The following NSD2 variants were observed in gnomAD, a reference collection of about 807,000 sequenced individuals.
NSD2 encodes histone-lysine N-methyltransferase NSD2.
Under a neutral mutation model 139.0 loss-of-function variants are expected in NSD2, and 12 were observed. The observed-to-expected ratio is 0.09, with a 90% CI of 0.06 to 0.14. The LOEUF (loss-of-function observed/expected upper bound fraction) is 0.14. NSD2 is among the 10% of genes least tolerant of loss of function. The pLI, the probability that NSD2 is intolerant of heterozygous loss-of-function variation, is 1.00. For missense variants in NSD2, 1,155 were observed against 1,745.0 expected (o/e 0.66, Z 6.02); for synonymous variants, 669 against 648.7 (o/e 1.03, Z -0.48).
At chr4:1,921,522 C>T (rs1720123140) in intron 5 of NSD2, among the ~76,000 whole-genome samples, 1 of 151,710 alleles carries the variant, frequency 6.6e-6, no homozygotes, top group Admixed American at 6.6e-5. Context: ...TGGCTCATAT[C>T]TGTAATCCTA....
Position 1,900,728 on chromosome 4 carries a change from C to T in NSD2, c.74C>T (p.Pro25Leu). 6.2e-7 allele frequency: 1 copy of T among 1,613,908 alleles called. No homozygotes were observed. Among genetic ancestry groups the T allele is most frequent in the Non-Finnish European group, 8.5e-7 (1 of 1,179,972 alleles). Residue 25 changes from proline (P) to leucine (L), a missense_variant, in exon 2 of 22, where the codon CCA (proline) becomes CTA (leucine). By Grantham distance (98) the Pro-to-Leu change is moderately conservative. This residue lies in a region of NSD2 where 246 missense variants were observed against 262.8 expected (regional missense o/e 0.94). Coordinates refer to ENST00000508803, the MANE Select transcript of NSD2 (RefSeq NM_001042424.3). ...VVKCIKMKQAPEILGSANGKT... is the reference protein window; with the variant it reads ...VVKCIKMKQALEILGSANGKT... ...AAGTGCATAAAGATGAAGCAGGCAC[C>T]AGAAATCCTCGGCAGTGCCAACGGG...
chr4:1,980,455 C>G lies in NSD2; in HGVS notation c.*1546C>G. 4.3e-6 allele frequency: 1 copy of G among 233,194 alleles called. No homozygotes were observed. Among genetic ancestry groups the G allele is most frequent in the Admixed American group, 5.6e-5 (1 of 17,806 alleles). The allele number at this position is 233,194 out of a possible 1,614,324, so 14.4% of individuals were successfully genotyped here. ...ACCTAAGGGGGACACATCCATCTTGCAGAGAAGTTTACAGAACTCCCCTTG... is the reference window on the plus strand; with the variant it reads ...ACCTAAGGGGGACACATCCATCTTGGAGAGAAGTTTACAGAACTCCCCTTG... On this transcript the variant is annotated 3_prime_UTR_variant, in exon 22 of 22. Transcript: ENST00000508803.
At chr4:1,909,928 C>T (rs369088750) in intron 3 of NSD2, among the ~76,000 whole-genome samples, 76 of 151,360 alleles carry the variant, frequency 5.0e-4, no homozygotes, top group African/African-American at 7.5e-4. Context: ...CGTGAGTCAC[C>T]GCGCCCGGCA....
At position 1,973,388 on chromosome 4, in the gene NSD2, C is replaced by T. The variant is rs1277497764; in HGVS notation, c.3373-1475C>T. Among the ~76,000 whole-genome samples, 4 of 152,136 alleles carry T rather than the reference C, an allele frequency of 2.6e-5. No individual in the cohort carries two copies. Among genetic ancestry groups the T allele is most frequent in the South Asian group, 2.1e-4 (1 of 4,824 alleles). On this transcript the variant is annotated intron_variant, in intron 18 of 21. Coordinates refer to ENST00000508803, the MANE Select transcript of NSD2 (RefSeq NM_001042424.3). The surrounding 1 kb of genome is among the most constrained non-coding windows in gnomAD (Gnocchi z 5.5). ...GGTGGCATGTCCCATGTGCATGCCCCGTGCTGTCCTCGTCCCCAGGGCCCT... is the reference window on the plus strand; with the variant it reads ...GGTGGCATGTCCCATGTGCATGCCCTGTGCTGTCCTCGTCCCCAGGGCCCT...
intron 18 of NSD2, among the ~76,000 whole-genome samples, chr4:1,971,113 C>A (rs1321993390): frequency 6.6e-6 from 1 of 152,148 alleles, no homozygotes; most frequent in East Asian, 1.9e-4. Flanking sequence ...AATCCCAGCA[C>A]TTTGGGAGGC....
At chr4:1,909,881 C>T (rs1031143416) in intron 3 of NSD2, among the ~76,000 whole-genome samples, 4 of 151,524 alleles carry the variant, frequency 2.6e-5, no homozygotes, top group African/African-American at 7.3e-5. Context: ...CCTTGTGATC[C>T]GCCCAACTCG....
intron 11 of NSD2, 168 bp from the exon 12 acceptor site, chr4:1,953,156 T>A: frequency 6.4e-7 from 1 of 1,551,608 alleles, no homozygotes; most frequent in Non-Finnish European, 8.7e-7. Flanking sequence ...GCTGGATCTT[T>A]TTGCTGGAGA....
chr4:1,979,061 C>A lies in NSD2; in HGVS notation c.*152C>A. Reference sequence around the variant, plus strand: ...TCCTCGGGAGGGAGCGCCTCCCCACCACTGAGCCATCCTCAGCAGCGTCCG... The same window carrying A: ...TCCTCGGGAGGGAGCGCCTCCCCACAACTGAGCCATCCTCAGCAGCGTCCG... On this transcript the variant is annotated 3_prime_UTR_variant, in exon 22 of 22. Transcript: ENST00000508803. 1.0e-6 allele frequency: 1 copy of A among 969,508 alleles called. No homozygotes were observed. The highest frequency in any genetic ancestry group is 1.4e-6 in the Non-Finnish European group (1 of 693,530). 60.1% of individuals were successfully genotyped at this position (969,508 alleles called of 1,614,324 possible). A position where few individuals can be genotyped will look rare whatever the true frequency, so the allele number is the denominator to read the frequency against.
chr4:1,933,538 C>T (rs1465242638), intron 6 of NSD2, among the ~76,000 whole-genome samples: 1 of 151,998 alleles, frequency 6.6e-6, no homozygotes, highest in Non-Finnish European at 1.5e-5. Flanking sequence ...TACAGGCGCC[C>T]GCCACCATGA....
At chr4:1,943,324 G>A in intron 9 of NSD2, 26 of 1,043,700 alleles carry the variant, frequency 2.5e-5, no homozygotes, top group Non-Finnish European at 3.0e-5. Context: ...ATATTTTGTT[G>A]TAAACCATTA....
chr4:1,937,857 A>C (rs745473741), intron 7 of NSD2, among the ~76,000 whole-genome samples: 2 of 152,210 alleles, frequency 1.3e-5, no homozygotes, highest in African/African-American at 4.8e-5. Context: ...GAAAAGCTTC[A>C]TGATCCCTTC....
rs995588398 is a variant in NSD2, at chr4:1,981,573, A to G, written c.*2664A>G. ...GGATGTGTCCGAATGGGCAGCTTAA[A>G]ATGTGGTCACCTGTGGGGGAAACTC... On this transcript the variant is annotated 3_prime_UTR_variant, in exon 22 of 22. Coordinates refer to ENST00000508803, the MANE Select transcript of NSD2 (RefSeq NM_001042424.3). 17 of 343,928 alleles carry G rather than the reference A, an allele frequency of 4.9e-5. No individual in the cohort carries two copies. Among genetic ancestry groups the G allele is most frequent in the Non-Finnish European group, 8.4e-5 (16 of 191,550 alleles). 21.3% of individuals were successfully genotyped at this position (343,928 alleles called of 1,614,324 possible). A position where few individuals can be genotyped will look rare whatever the true frequency, so the allele number is the denominator to read the frequency against.
intron 9 of NSD2, chr4:1,947,232 G>A (rs1723729066): frequency 9.4e-7 from 1 of 1,064,166 alleles, no homozygotes. Flanking sequence ...GGGTTGATAG[G>A]ATATTTTAGA....
rs1201830073 is a variant in NSD2, at chr4:1,953,360, C to T, written c.2174C>T (p.Thr725Ile). 2 of 1,614,200 alleles carry T rather than the reference C, an allele frequency of 1.2e-6. No individual in the cohort carries two copies. Among genetic ancestry groups the T allele is most frequent in the African/African-American group, 1.3e-5 (1 of 75,046 alleles). ...TGTTTCGTGTGTAAAGAGAGCAAGACAGATGTTAAGCGCTGTGTGGTAACT... is the reference window on the plus strand; with the variant it reads ...TGTTTCGTGTGTAAAGAGAGCAAGATAGATGTTAAGCGCTGTGTGGTAACT... ...HSCFVCKESK[T>I]DVKRCVVTQC... Residue 725 changes from threonine (T) to isoleucine (I), a missense_variant, in exon 12 of 22, where the codon ACA becomes ATA. By Grantham distance (89) the Thr-to-Ile change is moderately conservative. Transcript: ENST00000508803.
intron 9 of NSD2, chr4:1,947,628 A>G (rs1723767884): frequency 9.5e-7 from 1 of 1,055,372 alleles, no homozygotes; most frequent in Admixed American, 5.4e-5. Context: ...GTTTGAAATT[A>G]GTCTTGATTT....
At chr4:1,892,522 T>A (rs1020626250) in intron 1 of NSD2, among the ~76,000 whole-genome samples, 6 of 152,190 alleles carry the variant, frequency 3.9e-5, no homozygotes, top group African/African-American at 1.4e-4. Context: ...ATGTGATGCT[T>A]AACTCTTCCC....
Position 1,942,074 on chromosome 4 carries a change from T to G in NSD2, c.1881+2296T>G. On this transcript the variant is annotated intron_variant, in intron 9 of 21. Transcript: ENST00000508803. The surrounding 1 kb of genome is among the most constrained non-coding windows in gnomAD (Gnocchi z 4.0). ...TCACATTTGTTTGAAATAAGGTACT[T>G]TTATAGGGTTGGTATTTCAGAACAC... 2 of 1,182,520 alleles carry G rather than the reference T, an allele frequency of 1.7e-6. No individual in the cohort carries two copies. Among genetic ancestry groups the G allele is most frequent in the Non-Finnish European group, 2.1e-6 (2 of 950,118 alleles). 73.3% of individuals were successfully genotyped at this position (1,182,520 alleles called of 1,614,324 possible).
At chr4:1,925,629 C>T (rs1040160484) in intron 5 of NSD2, among the ~76,000 whole-genome samples, 6 of 151,370 alleles carry the variant, frequency 4.0e-5, no homozygotes, top group African/African-American at 1.5e-4. Flanking sequence ...GAACTCCTGA[C>T]CTCAGGTGAT....
chr4:1,894,213 T>C (rs1158747405), intron 1 of NSD2, among the ~76,000 whole-genome samples: 1 of 152,154 alleles, frequency 6.6e-6, no homozygotes, highest in Non-Finnish European at 1.5e-5. Context: ...CACTTCAGCC[T>C]CCCAAAGTGG....
Sources: allele counts gnomAD v4.1 joint callset (sites outside exome capture counted in the v4.1 genomes callset), GRCh38; gene constraint gnomAD v4.1.1; regional missense constraint gnomAD v4.1.1; non-coding constraint Gnocchi (gnomAD v3.1); transcripts MANE v1.5; gene names NCBI Gene and HGNC (gene_info 2026-07-23, HGNC 2026-07-21).